Variants in ST6GALNAC3 observed in about 807,000 individuals in gnomAD.
ST6GALNAC3 encodes the protein alpha-N-acetylgalactosaminide alpha-2,6-sialyltransferase 3.
In ST6GALNAC3, 25 loss-of-function variants were observed where a neutral mutation model predicts 32.7. The observed-to-expected ratio is 0.76, with a 90% CI of 0.56 to 1.07. The LOEUF (loss-of-function observed/expected upper bound fraction) is 1.07, where lower values mean the gene tolerates loss of function less well. Among genes scored for constraint, ST6GALNAC3 ranks in the 50% least tolerant of loss-of-function variants. ST6GALNAC3 has a pLI of 0.00. For synonymous variants in ST6GALNAC3, 129 were observed against 133.1 expected (o/e 0.97, Z 0.21); for missense variants, 355 against 382.4 (o/e 0.93, Z 0.60).
rs200052588 is a variant in ST6GALNAC3, at chr1:76,576,930, AAAAG to A, written c.624-50506_624-50503del. ...CCCACCACAAAAGGAAGGAAGGAAT[AAAAG>A]AAAGAAAGAAAGAAACAAACAAACA... On this transcript the variant is annotated intron_variant, in intron 3 of 4. Transcript: ENST00000328299. 2.0e-3 allele frequency: 2,589 copies of A among 1,280,256 alleles called. 22 individuals are homozygous for A. In the African/African-American group the frequency reaches 0.023, roughly 11 times the overall value. 79.3% of individuals were successfully genotyped at this position (1,280,256 alleles called of 1,614,324 possible).
At chr1:76,276,380 T>C (rs1226224235) in intron 1 of ST6GALNAC3, among the ~76,000 whole-genome samples, 1 of 152,286 alleles carries the variant, frequency 6.6e-6, no homozygotes. Context: ...ATATATTTTT[T>C]AGTGTTGCAT....
intron 1 of ST6GALNAC3, among the ~76,000 whole-genome samples, chr1:76,145,647 C>T (rs893006437): frequency 2.0e-5 from 3 of 152,146 alleles, no homozygotes; most frequent in Non-Finnish European, 4.4e-5. Flanking sequence ...CTGTTTAAGT[C>T]GATATGTCTG....
At chr1:76,346,665 TG>T (rs930767717) in intron 2 of ST6GALNAC3, among the ~76,000 whole-genome samples, 11 of 152,174 alleles carry the variant, frequency 7.2e-5, no homozygotes, top group Non-Finnish European at 1.5e-4. Context: ...GTGAGATAGA[TG>T]TGGCTTCCAA....
intron 3 of ST6GALNAC3, among the ~76,000 whole-genome samples, chr1:76,609,283 G>GA (rs1647766977): frequency 1.3e-5 from 2 of 151,864 alleles, no homozygotes; most frequent in South Asian, 2.1e-4. Context: ...GGACCTTAAT[G>GA]AAAAAAAGAT....
intron 3 of ST6GALNAC3, among the ~76,000 whole-genome samples, chr1:76,512,056 CT>C (rs1184606277): frequency 9.2e-5 from 14 of 152,114 alleles, no homozygotes; most frequent in Non-Finnish European, 1.5e-4. Context: ...GAGACTGTAT[CT>C]TAGGATCCAA....
intron 1 of ST6GALNAC3, among the ~76,000 whole-genome samples, chr1:76,121,099 C>T (rs772864529): frequency 8.5e-5 from 13 of 152,188 alleles, no homozygotes; most frequent in African/African-American, 1.4e-4. Flanking sequence ...TGAGGTTCAC[C>T]TAGATATTCC....
chr1:76,636,781 A>T (rs1296695535), downstream of ST6GALNAC3: 4 of 152,078 alleles, frequency 2.6e-5, no homozygotes, highest in Non-Finnish European at 5.9e-5. Flanking sequence ...AGTACTTCGC[A>T]TGTTAGCATA....
intron 2 of ST6GALNAC3, among the ~76,000 whole-genome samples, chr1:76,343,117 C>A (rs913052576): frequency 6.6e-6 from 1 of 152,046 alleles, no homozygotes; most frequent in Admixed American, 6.6e-5. Flanking sequence ...GTTGCATTTG[C>A]TTTGGGGATC....
At chr1:76,296,023 T>C (rs1258514782) in intron 1 of ST6GALNAC3, among the ~76,000 whole-genome samples, 1 of 152,042 alleles carries the variant, frequency 6.6e-6, no homozygotes, top group East Asian at 1.9e-4. Flanking sequence ...AAGTAGCATA[T>C]GTGGGGGTGG....
intron 1 of ST6GALNAC3, among the ~76,000 whole-genome samples, chr1:76,081,736 C>T (rs1646899186): frequency 6.6e-6 from 1 of 152,004 alleles, no homozygotes; most frequent in Admixed American, 6.6e-5. Context: ...TTGGATTTAC[C>T]CTGAACGCAA....
At position 76,630,612 on chromosome 1, in the gene ST6GALNAC3, G is replaced by T. The variant is rs1478380295; in HGVS notation, c.*1806G>T. 1 of 985,582 alleles carries T rather than the reference G, an allele frequency of 1.0e-6. No individual in the cohort carries two copies. The highest frequency in any genetic ancestry group is 1.7e-5 in the African/African-American group (1 of 57,314). 61.1% of individuals were successfully genotyped at this position (985,582 alleles called of 1,614,324 possible). A position where few individuals can be genotyped will look rare whatever the true frequency, so the allele number is the denominator to read the frequency against. On this transcript the variant is annotated 3_prime_UTR_variant, in exon 5 of 5. Transcript: ENST00000328299. ...CATTTCACTTCAGAAGCACTTGTAG[G>T]TCTTTACTAGTGCTAAGTATTATGG...
At chr1:76,396,082 A>G (rs896923765) in intron 2 of ST6GALNAC3, among the ~76,000 whole-genome samples, 1 of 152,190 alleles carries the variant, frequency 6.6e-6, no homozygotes, top group Admixed American at 6.5e-5. Context: ...GGATGCCATA[A>G]CTATGCACAA....
chr1:76,635,533 C>A (rs61771673), downstream of ST6GALNAC3, among the ~76,000 whole-genome samples: 1 of 152,060 alleles, frequency 6.6e-6, no homozygotes, highest in Non-Finnish European at 1.5e-5. Context: ...CAGCTTTTGA[C>A]GAAATGAGAT....
At chr1:76,172,075 A>G (rs1311145162) in intron 1 of ST6GALNAC3, among the ~76,000 whole-genome samples, 1 of 151,672 alleles carries the variant, frequency 6.6e-6, no homozygotes, top group African/African-American at 2.4e-5. Context: ...ACATTGATAC[A>G]AAAACCCTCC....
At chr1:76,171,814 CAACAAAAAAAAAAAA>C (rs1283279697) in intron 1 of ST6GALNAC3, among the ~76,000 whole-genome samples, 2 of 56,876 alleles carry the variant, frequency 3.5e-5, no homozygotes, top group East Asian at 2.4e-3. Flanking sequence ...ACCAAAACAA[CAACAAAAAAAAAAAA>C]AACAAGAAAA....
intron 2 of ST6GALNAC3, among the ~76,000 whole-genome samples, chr1:76,404,301 G>A (rs1365213695): frequency 6.6e-6 from 1 of 151,978 alleles, no homozygotes; most frequent in Non-Finnish European, 1.5e-5. Flanking sequence ...TTGTGGAGGG[G>A]CAAGGAAGTA....
intron 1 of ST6GALNAC3, among the ~76,000 whole-genome samples, chr1:76,236,707 T>C (rs1656680288): frequency 1.3e-5 from 2 of 152,162 alleles, no homozygotes; most frequent in Non-Finnish European, 2.9e-5. Flanking sequence ...GTGAAACTCT[T>C]TGAATAATGG....
chr1:76,352,363 C>G (rs924228159), intron 2 of ST6GALNAC3, among the ~76,000 whole-genome samples: 1 of 114,052 alleles, frequency 8.8e-6, no homozygotes, highest in African/African-American at 4.2e-5. Flanking sequence ...ACTATTTCCT[C>G]CTTTTTTTTT....
At chr1:76,225,535 A>T (rs549731794) in intron 1 of ST6GALNAC3, among the ~76,000 whole-genome samples, 17 of 152,256 alleles carry the variant, frequency 1.1e-4, no homozygotes, top group African/African-American at 4.1e-4. Flanking sequence ...CCAACCCAAT[A>T]GCATTTAAGG....
Sources: allele counts gnomAD v4.1 joint callset (sites outside exome capture counted in the v4.1 genomes callset), GRCh38; gene constraint gnomAD v4.1.1; transcripts MANE v1.5; gene names NCBI Gene and HGNC (gene_info 2026-07-23, HGNC 2026-07-21).